Variants in GCH1 observed in about 807,000 individuals in gnomAD.
GCH1 encodes GTP cyclohydrolase I.
In GCH1, 5 loss-of-function variants were observed where a neutral mutation model predicts 25.9. The observed-to-expected ratio is 0.19, with a 90% CI of 0.10 to 0.41. The LOEUF (loss-of-function observed/expected upper bound fraction) is 0.41, where lower values mean the gene tolerates loss of function less well. GCH1 is among the 10% of genes least tolerant of loss of function. GCH1 has a pLI of 1.00. For missense variants in GCH1, 261 were observed against 336.5 expected (o/e 0.78, Z 1.75); for synonymous variants, 159 against 129.6 (o/e 1.23, Z -1.54).
At chr14:54,870,129 T>TA (rs1182303829) in intron 1 of GCH1, among the ~76,000 whole-genome samples, 2 of 152,158 alleles carry the variant, frequency 1.3e-5, no homozygotes, top group African/African-American at 4.8e-5. Context: ...ATACGTTTGT[T>TA]AAAATTCACA....
intron 3 of GCH1, among the ~76,000 whole-genome samples, chr14:54,851,081 A>C (rs2039723109): frequency 6.6e-6 from 1 of 152,218 alleles, no homozygotes; most frequent in Admixed American, 6.5e-5. Context: ...ATAATACCAC[A>C]CATCTACAGC....
At chr14:54,850,108 C>T (rs931028225) in intron 3 of GCH1, among the ~76,000 whole-genome samples, 7 of 151,572 alleles carry the variant, frequency 4.6e-5, no homozygotes, top group African/African-American at 9.7e-5. Flanking sequence ...CAAGTAGCTG[C>T]GATTACAGGT....
chr14:54,868,869 G>C (rs2040027439), intron 1 of GCH1, among the ~76,000 whole-genome samples: 1 of 151,398 alleles, frequency 6.6e-6, no homozygotes, highest in South Asian at 2.1e-4. Context: ...CAAAGTGCTG[G>C]GATTATGGGC....
At chr14:54,867,759 G>A (rs1469985099) in intron 1 of GCH1, among the ~76,000 whole-genome samples, 1 of 152,124 alleles carries the variant, frequency 6.6e-6, no homozygotes, top group East Asian at 1.9e-4. Context: ...GAACTATGCA[G>A]GCGGAGCAAG....
intron 1 of GCH1, among the ~76,000 whole-genome samples, chr14:54,875,472 A>G (rs1227343542): frequency 6.6e-6 from 1 of 152,212 alleles, no homozygotes; most frequent in African/African-American, 2.4e-5. Flanking sequence ...AATTGACAAA[A>G]GGGATCTAAT....
At chr14:54,876,487 T>G (rs2040162591) in intron 1 of GCH1, among the ~76,000 whole-genome samples, 1 of 146,096 alleles carries the variant, frequency 6.8e-6, no homozygotes. Flanking sequence ...AAACTTAAAG[T>G]ATAATAATAA....
At chr14:54,875,980 A>G (rs2040153634) in intron 1 of GCH1, among the ~76,000 whole-genome samples, 1 of 152,240 alleles carries the variant, frequency 6.6e-6, no homozygotes, top group Non-Finnish European at 1.5e-5. Context: ...CATTTGACCC[A>G]GCCATCCCAT....
chr14:54,871,326 T>C (rs529596683), intron 1 of GCH1, among the ~76,000 whole-genome samples: 1 of 151,780 alleles, frequency 6.6e-6, no homozygotes, highest in Admixed American at 6.6e-5. Flanking sequence ...AAAAAAGACA[T>C]CCACACCAAA....
rs566705845 is a variant in GCH1 at position 54,842,934 on chromosome 14, A to T, written c.*1083T>A. 1.3e-4 allele frequency: 83 copies of T among 655,110 alleles called. No individual in the cohort carries two copies. In the Admixed American group the frequency reaches 1.9e-3, roughly 15 times the overall value. 40.6% of individuals were successfully genotyped at this position (655,110 alleles called of 1,614,324 possible). On this transcript the variant is annotated 3_prime_UTR_variant, in exon 6 of 6. Transcript: ENST00000491895. Reference sequence around the variant, plus strand: ...AACCGGGACCAGAAGCTTCCAGTGCATTTTCACAGATCGTTGGTACGATAC... The same window carrying T: ...AACCGGGACCAGAAGCTTCCAGTGCTTTTTCACAGATCGTTGGTACGATAC...
At chr14:54,847,973 C>T (rs534182709) in intron 3 of GCH1, among the ~76,000 whole-genome samples, 1 of 152,102 alleles carries the variant, frequency 6.6e-6, no homozygotes, top group Non-Finnish European at 1.5e-5. Flanking sequence ...AACTACTATA[C>T]CAACTAAACC....
intron 1 of GCH1, among the ~76,000 whole-genome samples, chr14:54,891,441 C>T (rs1358075464): frequency 6.9e-6 from 1 of 144,690 alleles, no homozygotes; most frequent in Non-Finnish European, 1.5e-5. Context: ...ACAGAGTCTC[C>T]CTCTGTCACC....
chr14:54,883,100 G>C (rs952931222), intron 1 of GCH1, among the ~76,000 whole-genome samples: 1 of 151,774 alleles, frequency 6.6e-6, no homozygotes, highest in Non-Finnish European at 1.5e-5. Context: ...CTGGCCGGGC[G>C]CGGTGGTTCA....
At chr14:54,897,019 T>TG (rs574396131) in intron 1 of GCH1, among the ~76,000 whole-genome samples, 11 of 140,230 alleles carry the variant, frequency 7.8e-5, no homozygotes, top group Non-Finnish European at 1.4e-4. Flanking sequence ...TGTTTTTTTT[T>TG]TTTTTTTTTG....
intron 1 of GCH1, among the ~76,000 whole-genome samples, chr14:54,888,632 C>T (rs919293980): frequency 2.0e-5 from 3 of 151,920 alleles, no homozygotes; most frequent in African/African-American, 7.3e-5. Context: ...CCTGCCTCAG[C>T]CTCCCGAGTA....
chr14:54,899,862 C>T (rs985000181), intron 1 of GCH1, among the ~76,000 whole-genome samples: 6 of 150,770 alleles, frequency 4.0e-5, no homozygotes, highest in Admixed American at 2.0e-4. Flanking sequence ...TCTCTACATC[C>T]ATGGACTTTT....
chr14:54,868,431 T>C (rs2040019344), intron 1 of GCH1, among the ~76,000 whole-genome samples: 1 of 151,440 alleles, frequency 6.6e-6, no homozygotes, highest in Admixed American at 6.6e-5. Context: ...TTTTAAGTGT[T>C]TAAAAATTAA....
At chr14:54,863,238 T>G (rs996046345) in intron 2 of GCH1, among the ~76,000 whole-genome samples, 5 of 151,054 alleles carry the variant, frequency 3.3e-5, no homozygotes, top group South Asian at 2.1e-4. Context: ...GCTAACACCG[T>G]GAAACCCCTT....
Position 54,844,193 on chromosome 14 carries a change from T to C in GCH1, c.627-50A>G, listed in dbSNP as rs1374934970. ...GTTTAAAGGAGTAGACAGCTGCTGG[T>C]TTGGTTTTTAAAAGCAGGCCTAAAG... On this transcript the variant is annotated intron_variant, in intron 5 of 5. Coordinates refer to ENST00000491895, the MANE Select transcript of GCH1 (RefSeq NM_000161.3). 4 of 1,353,300 alleles carry C rather than the reference T, an allele frequency of 3.0e-6. No individual in the cohort carries two copies. In the African/African-American group the frequency reaches 5.7e-5, roughly 19 times the overall value. 83.8% of individuals were successfully genotyped at this position (1,353,300 alleles called of 1,614,324 possible). A position where few individuals can be genotyped will look rare whatever the true frequency, so the allele number is the denominator to read the frequency against.
chr14:54,851,371 T>A (rs987083972), intron 3 of GCH1, among the ~76,000 whole-genome samples: 11 of 152,048 alleles, frequency 7.2e-5, no homozygotes, highest in African/African-American at 2.4e-4. Flanking sequence ...AATTGACAAA[T>A]GGGATCTAAT....
Sources: gnomAD v4.1 joint callset for allele counts (sites outside exome capture counted in the v4.1 genomes callset) on GRCh38, gnomAD v4.1.1 for gene constraint, MANE v1.5 for transcripts, NCBI Gene and HGNC (gene_info 2026-07-23, HGNC 2026-07-21) for gene names.